ZNF718: variants seen among roughly 807,000 people sequenced by gnomAD.
The protein encoded by ZNF718 is zinc finger protein 718.
A neutral mutation model predicts 2.6 loss-of-function variants in ZNF718; 3 were observed. The ratio of observed to expected loss-of-function variants is 1.16; its 90% CI spans 0.53 to 3.01. The LOEUF is 3.01. Among genes scored for constraint, ZNF718 ranks in the 30% most tolerant of loss-of-function variants. The pLI is 0.03. For missense variants in ZNF718, 468 were observed against 230.0 expected (o/e 2.03, Z -6.69); for synonymous variants, 135 against 77.9 (o/e 1.73, Z -3.86).
chr4:178,577 G>C (rs1160025166), intron 3 of ZNF718, among the ~76,000 whole-genome samples: 1 of 152,170 alleles, frequency 6.6e-6, no homozygotes, highest in African/African-American at 2.4e-5. Flanking sequence ...GTGTTGAATA[G>C]TGGCCATGCT....
chr4:201,618 TCTC>T (rs1206311680), intron 4 of ZNF718: 5 of 162,484 alleles, frequency 3.1e-5, no homozygotes, highest in Non-Finnish European at 6.9e-5. Context: ...ACATAACTGT[TCTC>T]CTCTCTCTAG....
chr4:131,440 C>A lies in ZNF718; in HGVS notation c.161C>A (p.Thr54Asn). 1 of 520,120 alleles carries A rather than the reference C, an allele frequency of 1.9e-6. No individual in the cohort carries two copies. The highest frequency in any genetic ancestry group is 3.2e-5 in the South Asian group (1 of 30,816). 32.2% of individuals were successfully genotyped at this position (520,120 alleles called of 1,614,324 possible). ...GVSISNPDLV[T>N]SLEQRKEPYN... ...AGTATCTCTAACCCAGACCTGGTCA[C>A]CAGTCTGGAGCAAAGAAAAGAGCCC... The change falls in exon 3 of 4, where the codon ACC (threonine) becomes AAC (asparagine). Residue 54 changes from threonine to asparagine, a missense_variant. By Grantham distance (65) the Thr-to-Asn change is moderately conservative. Transcript: ENST00000510175.
intron 3 of ZNF718, among the ~76,000 whole-genome samples, chr4:140,289 T>G (rs139775236): frequency 9.2e-4 from 140 of 152,276 alleles, no homozygotes; most frequent in African/African-American, 3.3e-3. Context: ...GAGGATACTC[T>G]GTGGGTCCTG....
chr4:187,197 T>G (rs1428359386), intron 3 of ZNF718, among the ~76,000 whole-genome samples: 1 of 151,968 alleles, frequency 6.6e-6, no homozygotes, highest in Non-Finnish European at 1.5e-5. Flanking sequence ...GGTTTTTTTG[T>G]TTTTTTGTTT....
chr4:200,216 C>T (rs782666601), intron 3 of ZNF718, among the ~76,000 whole-genome samples: 5 of 152,234 alleles, frequency 3.3e-5, no homozygotes, highest in African/African-American at 9.6e-5. Context: ...CAATCGGATA[C>T]AAAACTGGGG....
rs574864728 is a variant in ZNF718, at chr4:163,597, T to C, written c.*1475T>C. On this transcript the variant is annotated 3_prime_UTR_variant, in exon 4 of 4. Transcript: ENST00000510175. ...TGTTCAGAGTAATATTCTTCTGCAT[T>C]ATAGTGAGAGAAAAATCTTGAATTT... The C allele has an allele frequency of 6.6e-6, 1 of 152,292 alleles. No individual in the cohort carries two copies. Among genetic ancestry groups the C allele is most frequent in the African/African-American group, 2.4e-5 (1 of 41,570 alleles). The allele number at this position is 152,292 out of a possible 1,614,324, so 9.4% of individuals were successfully genotyped here. A position where few individuals can be genotyped will look rare whatever the true frequency, so the allele number is the denominator to read the frequency against.
At chr4:200,161 A>G (rs1204592718) in intron 3 of ZNF718, among the ~76,000 whole-genome samples, 1 of 152,254 alleles carries the variant, frequency 6.6e-6, no homozygotes, top group Non-Finnish European at 1.5e-5. Flanking sequence ...ATACACAAAC[A>G]CTGCAGACAA....
At chr4:136,391 TCCTTG>T (rs1240922917) in intron 3 of ZNF718, 2 of 520,312 alleles carry the variant, frequency 3.8e-6, no homozygotes, top group African/African-American at 3.8e-5. Flanking sequence ...TGGGTGTGTC[TCCTTG>T]CAGGTCTCTT....
chr4:199,154 A>C (rs1417187309), intron 3 of ZNF718, among the ~76,000 whole-genome samples: 3 of 152,212 alleles, frequency 2.0e-5, no homozygotes, highest in African/African-American at 7.2e-5. Context: ...TGGTTGATCA[A>C]GTTACCTACT....
At chr4:192,572 G>A (rs1717713983) in intron 3 of ZNF718, among the ~76,000 whole-genome samples, 1 of 152,114 alleles carries the variant, frequency 6.6e-6, no homozygotes, top group African/African-American at 2.4e-5. Context: ...GAAAACCCAA[G>A]TGCTGTTGGT....
intron 3 of ZNF718, among the ~76,000 whole-genome samples, chr4:171,933 G>A (rs565571453): frequency 4.1e-4 from 63 of 152,284 alleles, no homozygotes; most frequent in African/African-American, 1.2e-3. Flanking sequence ...CTTCTGCGTC[G>A]CTCACGCTGG....
At chr4:167,265 A>T (rs1375966289), downstream of ZNF718, among the ~76,000 whole-genome samples, 1 of 152,134 alleles carries the variant, frequency 6.6e-6, no homozygotes, top group Non-Finnish European at 1.5e-5. Context: ...CTTGTAGTAT[A>T]GTTCGAAGCC....
chr4:148,614 A>G (rs1458880040), intron 3 of ZNF718, among the ~76,000 whole-genome samples: 5 of 146,948 alleles, frequency 3.4e-5, no homozygotes, highest in African/African-American at 1.3e-4. Flanking sequence ...CTGTCTCAAA[A>G]AAAAAAAAAA....
rs1289329070 is a variant in ZNF718 at position 161,184 on chromosome 4, G to A, written c.499G>A (p.Gly167Arg). The A allele has an allele frequency of 3.9e-6, 3 of 768,926 alleles. No individual in the cohort carries two copies. Among genetic ancestry groups the A allele is most frequent in the Non-Finnish European group, 7.3e-6 (3 of 412,748 alleles). 47.6% of individuals were successfully genotyped at this position (768,926 alleles called of 1,614,324 possible). ...NSNKDKIRYTGDKTFKCKECG... is the reference protein window; with the variant it reads ...NSNKDKIRYTRDKTFKCKECG... Reference sequence around the variant, plus strand: ...AAACAAAGATAAGATAAGATATACTGGAGATAAAACCTTTAAATGTAAAGA... The same window carrying A: ...AAACAAAGATAAGATAAGATATACTAGAGATAAAACCTTTAAATGTAAAGA... The change falls in exon 4 of 4, where the codon GGA becomes AGA. Residue 167 changes from glycine (G) to arginine (R), a missense_variant. Gly to Arg is a moderately radical substitution (Grantham distance 125). Coordinates refer to ENST00000510175, the MANE Select transcript of ZNF718 (RefSeq NM_001039127.6).
intron 3 of ZNF718, among the ~76,000 whole-genome samples, chr4:173,981 T>C (rs1463077018): frequency 6.6e-6 from 1 of 152,156 alleles, no homozygotes; most frequent in Non-Finnish European, 1.5e-5. Flanking sequence ...TTGTGGGTAA[T>C]AAACATCGTA....
chr4:153,472 G>C (rs1427372692), intron 3 of ZNF718, among the ~76,000 whole-genome samples: 1 of 152,144 alleles, frequency 6.6e-6, no homozygotes, highest in East Asian at 1.9e-4. Flanking sequence ...TATTATGATA[G>C]AGATTGCATT....
intron 3 of ZNF718, among the ~76,000 whole-genome samples, chr4:148,882 A>G (rs953850471): frequency 7.9e-5 from 12 of 152,292 alleles, no homozygotes; most frequent in Non-Finnish European, 1.3e-4. Context: ...CAAATGATCT[A>G]TAGCTATGTT....
intron 3 of ZNF718, among the ~76,000 whole-genome samples, chr4:196,053 C>CCTCT (rs1243959801): frequency 6.6e-6 from 1 of 151,278 alleles, no homozygotes; most frequent in Non-Finnish European, 1.5e-5. Context: ...CTCTCTTTTT[C>CCTCT]CTCTCTCTCT....
intron 3 of ZNF718, among the ~76,000 whole-genome samples, chr4:183,421 A>G (rs1280114261): frequency 6.6e-6 from 1 of 152,224 alleles, no homozygotes; most frequent in African/African-American, 2.4e-5. Flanking sequence ...TATAGTTTCA[A>G]GTCAGGTAGC....
Sources: allele counts gnomAD v4.1 joint callset (sites outside exome capture counted in the v4.1 genomes callset), GRCh38; gene constraint gnomAD v4.1.1; transcripts MANE v1.5; gene names NCBI Gene and HGNC (gene_info 2026-07-23, HGNC 2026-07-21).